Variants in ZMYM2 observed in about 807,000 individuals in gnomAD.
ZMYM2 encodes zinc finger MYM-type protein 2.
ZMYM2 carries 56 observed loss-of-function variants against 162.8 expected under a neutral mutation model. That is an observed-to-expected ratio of 0.34 (90% CI 0.28 to 0.43). The LOEUF (loss-of-function observed/expected upper bound fraction) is 0.43. Ranked by LOEUF, ZMYM2 falls within the 20% of genes least tolerant of loss-of-function variation. The pLI, the probability that ZMYM2 is intolerant of heterozygous loss-of-function variation, is 1.00. For missense variants in ZMYM2, 1,275 were observed against 1,621.8 expected (o/e 0.79, Z 3.67); for synonymous variants, 510 against 541.6 (o/e 0.94, Z 0.81).
At chr13:20,064,350 T>C (rs259785) in intron 18 of ZMYM2, 101 bp from the exon 19 acceptor site, 64,301 of 939,898 alleles carry the variant, frequency 0.068, 3,480 homozygotes, top group African/African-American at 0.22. Flanking sequence ...TGTCCCCATG[T>C]ATGAATGCTG....
the ZMYM2 span, among the ~76,000 whole-genome samples, chr13:19,919,684 T>C: frequency 6.8e-6 from 1 of 146,948 alleles, no homozygotes; most frequent in Non-Finnish European, 1.5e-5. Flanking sequence ...CTTTTTCTTT[T>C]TTTTTTTTTT....
intron 10 of ZMYM2, 104 bp downstream of exon 10, chr13:20,031,539 T>TA: frequency 1.3e-6 from 1 of 765,908 alleles, no homozygotes; most frequent in African/African-American, 1.8e-5. Flanking sequence ...TAGATAAAAA[T>TA]ATGCTTTTCA....
chr13:19,960,621 G>C (rs573218438), intron 2 of ZMYM2, among the ~76,000 whole-genome samples: 1 of 152,272 alleles, frequency 6.6e-6, no homozygotes, highest in South Asian at 2.1e-4. Context: ...TACTGATCTA[G>C]TTAATTTCTT....
At chr13:19,931,328 T>C in the ZMYM2 span, among the ~76,000 whole-genome samples, 1 of 152,150 alleles carries the variant, frequency 6.6e-6, no homozygotes, top group Non-Finnish European at 1.5e-5. Context: ...CCCTTCTTTC[T>C]AGCTAACTAT....
At chr13:20,007,462 T>C (rs553003647) in intron 6 of ZMYM2, among the ~76,000 whole-genome samples, 1 of 151,908 alleles carries the variant, frequency 6.6e-6, no homozygotes, top group Non-Finnish European at 1.5e-5. Context: ...TAAGGACTTT[T>C]TGATTTCTAG....
At chr13:19,905,246 C>A in the ZMYM2 span, among the ~76,000 whole-genome samples, 1 of 152,104 alleles carries the variant, frequency 6.6e-6, no homozygotes, top group South Asian at 2.1e-4. Context: ...CTCCTGACCT[C>A]AAGTGATCTG....
the ZMYM2 span, among the ~76,000 whole-genome samples, chr13:19,883,110 C>G: frequency 6.6e-6 from 1 of 152,026 alleles, no homozygotes; most frequent in Non-Finnish European, 1.5e-5. Context: ...CATGAATGAA[C>G]CTCAAAAATA....
At chr13:19,888,640 C>T in the ZMYM2 span, among the ~76,000 whole-genome samples, 1 of 151,450 alleles carries the variant, frequency 6.6e-6, no homozygotes, top group Admixed American at 6.6e-5. Flanking sequence ...CCTCTTGTTC[C>T]CCAGGCTGCA....
chr13:20,026,804 GTAAT>G, intron 8 of ZMYM2, 42 bp downstream of exon 8: 17 of 1,537,718 alleles, frequency 1.1e-5, no homozygotes, highest in Non-Finnish European at 1.4e-5. Context: ...ACTTTACAAC[GTAAT>G]TAATTTTTGC....
chr13:19,877,692 A>G, the ZMYM2 span, among the ~76,000 whole-genome samples: 1 of 152,192 alleles, frequency 6.6e-6, no homozygotes, highest in African/African-American at 2.4e-5. Flanking sequence ...AATATCCTTA[A>G]GGTTCATCCA....
the ZMYM2 span, among the ~76,000 whole-genome samples, chr13:19,894,581 G>A: frequency 6.6e-6 from 1 of 152,090 alleles, no homozygotes; most frequent in Non-Finnish European, 1.5e-5. Context: ...CTGACCTCAA[G>A]TGATCCACCT....
At chr13:20,036,657 A>G (rs537595390) in intron 11 of ZMYM2, 80 bp from the exon 12 acceptor site, 10 of 1,199,588 alleles carry the variant, frequency 8.3e-6, no homozygotes, top group Non-Finnish European at 1.1e-5. Flanking sequence ...AAAAATCTTG[A>G]CCAATTAAGA....
rs1949801893 is a variant in ZMYM2 at position 19,993,672 on chromosome 13, C to T, written c.600C>T (p.Gly200=). The T allele has an allele frequency of 6.2e-7, 1 of 1,613,938 alleles. No homozygotes were observed. Among genetic ancestry groups the T allele is most frequent in the Non-Finnish European group, 8.5e-7 (1 of 1,179,878 alleles). ...CAGGTGTAAGCTCTGTGAATGATGG[C>T]CAATTAGAAAATACTGACGGGCGAG... The part of the protein sequence containing the change: ...LETGVSSVND[G]QLENTDGRDM... Residue 200 remains glycine, a synonymous_variant, in exon 3 of 25, where the codon GGC becomes GGT. Coordinates refer to ENST00000610343, the MANE Select transcript of ZMYM2 (RefSeq NM_197968.4).
the ZMYM2 span, among the ~76,000 whole-genome samples, chr13:19,877,550 T>A: frequency 1.3e-5 from 2 of 152,240 alleles, no homozygotes; most frequent in African/African-American, 2.4e-5. Context: ...CTAGGCTCTG[T>A]CTTTCAACAC....
chr13:20,030,382 C>A (rs1952986163), intron 9 of ZMYM2, among the ~76,000 whole-genome samples: 2 of 149,054 alleles, frequency 1.3e-5, no homozygotes, highest in Non-Finnish European at 3.0e-5. Flanking sequence ...CAGGCGTGCG[C>A]CACCATGCTC....
chr13:20,018,487 C>G (rs1319509429), intron 6 of ZMYM2, among the ~76,000 whole-genome samples: 1 of 152,084 alleles, frequency 6.6e-6, no homozygotes, highest in Non-Finnish European at 1.5e-5. Context: ...CCTTACTTTC[C>G]TCTCACCCCC....
intron 2 of ZMYM2, among the ~76,000 whole-genome samples, chr13:19,989,179 A>G (rs1478843667): frequency 6.6e-6 from 1 of 152,224 alleles, no homozygotes; most frequent in African/African-American, 2.4e-5. Context: ...TGGGATATGC[A>G]TAACATCACA....
chr13:20,034,926 G>C (rs1353992540), intron 11 of ZMYM2, among the ~76,000 whole-genome samples: 3 of 152,124 alleles, frequency 2.0e-5, no homozygotes, highest in Admixed American at 2.0e-4. Flanking sequence ...TTGCTGCTCT[G>C]GTGCCAGGCA....
chr13:19,896,557 C>T, the ZMYM2 span, among the ~76,000 whole-genome samples: 1 of 150,114 alleles, frequency 6.7e-6, no homozygotes. Context: ...GAGATCGAGA[C>T]CATCCTGGCT....
Sources: gnomAD v4.1 joint callset for allele counts (sites outside exome capture counted in the v4.1 genomes callset) on GRCh38, gnomAD v4.1.1 for gene constraint, MANE v1.5 for transcripts, NCBI Gene and HGNC (gene_info 2026-07-23, HGNC 2026-07-21) for gene names.